LANCL2: variants seen among roughly 807,000 people sequenced by gnomAD.
LANCL2 encodes lanC-like protein 2.
Under a neutral mutation model 56.9 loss-of-function variants are expected in LANCL2, and 33 were observed. That is an observed-to-expected ratio of 0.58 (90% CI 0.44 to 0.78). The LOEUF is 0.78. Ranked by LOEUF, LANCL2 falls within the 30% of genes least tolerant of loss-of-function variation. The probability of loss-of-function intolerance (pLI) is 0.00; values close to 1 mark genes in which losing one functional copy is unlikely to be tolerated. For missense variants in LANCL2, 562 were observed against 580.2 expected, an observed-to-expected ratio of 0.97 and a Z score of 0.32; for synonymous variants, 233 against 228.2, an observed-to-expected ratio of 1.02 and a Z score of -0.19.
chr7:55,368,075 T>C (rs1344092721), intron 1 of LANCL2, among the ~76,000 whole-genome samples: 2 of 152,216 alleles, frequency 1.3e-5, no homozygotes, highest in Admixed American at 6.5e-5. Context: ...TTGGAGTAGG[T>C]AGGTTACAGC....
At chr7:55,428,017 A>C in intron 7 of LANCL2, 1 of 198,266 alleles carries the variant, frequency 5.0e-6, no homozygotes, top group Non-Finnish European at 1.0e-5. Flanking sequence ...GCCATTTTAG[A>C]GCCAGGGTTT....
At chr7:55,392,505 C>T (rs1435366641) in intron 2 of LANCL2, among the ~76,000 whole-genome samples, 3 of 150,330 alleles carry the variant, frequency 2.0e-5, no homozygotes, top group Non-Finnish European at 4.4e-5. Context: ...CACATGCCAC[C>T]ACACCTGGCT....
At chr7:55,393,375 T>A (rs1250672850) in intron 2 of LANCL2, among the ~76,000 whole-genome samples, 8 of 152,044 alleles carry the variant, frequency 5.3e-5, no homozygotes, top group Non-Finnish European at 1.2e-4. Flanking sequence ...CTACTAAAAA[T>A]ACGAAAATTA....
intron 7 of LANCL2, 107 bp downstream of exon 7, chr7:55,425,537 T>C: frequency 1.0e-6 from 1 of 1,002,148 alleles, no homozygotes. Flanking sequence ...TTTCTCCCAG[T>C]TCTGTAGCTT....
chr7:55,368,262 T>C (rs1359621064), intron 1 of LANCL2, among the ~76,000 whole-genome samples: 3 of 152,232 alleles, frequency 2.0e-5, no homozygotes, highest in African/African-American at 7.2e-5. Flanking sequence ...TGGATAAATG[T>C]GATTTTTGAC....
intron 1 of LANCL2, among the ~76,000 whole-genome samples, chr7:55,380,437 A>G (rs868218713): frequency 2.7e-4 from 41 of 151,870 alleles, no homozygotes; most frequent in African/African-American, 9.0e-4. Flanking sequence ...TTTAACTTAA[A>G]AGGTGTTTTA....
chr7:55,389,162 G>A (rs918836862), intron 1 of LANCL2, among the ~76,000 whole-genome samples: 9 of 152,292 alleles, frequency 5.9e-5, no homozygotes, highest in African/African-American at 2.2e-4. Context: ...ACACAAGAAA[G>A]TTAGACATTT....
chr7:55,395,429 A>G (rs967859723), intron 2 of LANCL2, among the ~76,000 whole-genome samples: 6 of 152,198 alleles, frequency 3.9e-5, no homozygotes, highest in African/African-American at 1.2e-4. Flanking sequence ...AAGAATTGAC[A>G]GACTAAGAAA....
At chr7:55,378,084 A>G (rs1178684229) in intron 1 of LANCL2, among the ~76,000 whole-genome samples, 1 of 152,240 alleles carries the variant, frequency 6.6e-6, no homozygotes, top group East Asian at 1.9e-4. Context: ...AAAAAACTGA[A>G]TGATGTGACG....
At chr7:55,419,818 T>A (rs1790589536) in intron 6 of LANCL2, among the ~76,000 whole-genome samples, 1 of 152,262 alleles carries the variant, frequency 6.6e-6, no homozygotes, top group African/African-American at 2.4e-5. Flanking sequence ...TAGCTTTATC[T>A]ATTTTCTATT....
At chr7:55,410,722 C>G (rs1790461085) in intron 5 of LANCL2, among the ~76,000 whole-genome samples, 1 of 152,186 alleles carries the variant, frequency 6.6e-6, no homozygotes, top group African/African-American at 2.4e-5. Flanking sequence ...TAACATGTCA[C>G]CCTGAGACGT....
intron 5 of LANCL2, among the ~76,000 whole-genome samples, chr7:55,410,619 T>C (rs2128995101): frequency 6.6e-6 from 1 of 152,310 alleles, no homozygotes; most frequent in Admixed American, 6.5e-5. Context: ...AAGTGAAAAA[T>C]CAGTGGCCAG....
chr7:55,390,818 A>C (rs933540777), intron 1 of LANCL2, among the ~76,000 whole-genome samples: 1 of 152,042 alleles, frequency 6.6e-6, no homozygotes, highest in Non-Finnish European at 1.5e-5. Context: ...GATCTTAACA[A>C]CACTGTTAAG....
At chr7:55,366,585 T>C (rs1789875369) in intron 1 of LANCL2, among the ~76,000 whole-genome samples, 1 of 150,818 alleles carries the variant, frequency 6.6e-6, no homozygotes, top group Admixed American at 6.6e-5. Context: ...GCCGGCTACC[T>C]GCTCCTCAGA....
At chr7:55,402,584 G>A (rs1301636867) in intron 5 of LANCL2, among the ~76,000 whole-genome samples, 5 of 16,986 alleles carry the variant, frequency 2.9e-4, no homozygotes, top group Non-Finnish European at 4.9e-4. Flanking sequence ...CGGACGGGGC[G>A]GCTGGCCAGG....
At position 55,365,412 on chromosome 7, in the gene LANCL2, T is replaced by A. The variant is rs1789844643; in HGVS notation, c.-614T>A. On this transcript the variant is annotated 5_prime_UTR_variant, in exon 1 of 9. Transcript: ENST00000254770. ...TCTTTAGAAGAGATTTTTTTTTTCT[T>A]CTTAATATCAAACAAAGAACTGCTG... The A allele has an allele frequency of 6.6e-6, 1 of 152,160 alleles. No individual in the cohort carries two copies. Among genetic ancestry groups the A allele is most frequent in the African/African-American group, 2.4e-5 (1 of 41,442 alleles). The allele number at this position is 152,160 out of a possible 1,614,324, so 9.4% of individuals were successfully genotyped here.
intron 1 of LANCL2, among the ~76,000 whole-genome samples, chr7:55,381,807 C>T (rs1215486134): frequency 1.3e-5 from 2 of 152,200 alleles, no homozygotes; most frequent in Non-Finnish European, 2.9e-5. Context: ...TATATCTCAT[C>T]TTCAGCAAAG....
chr7:55,390,358 C>T (rs1369062182), intron 1 of LANCL2, among the ~76,000 whole-genome samples: 1 of 152,172 alleles, frequency 6.6e-6, no homozygotes, highest in Non-Finnish European at 1.5e-5. Flanking sequence ...ATAATCCCAG[C>T]ACTTTGAGAG....
intron 1 of LANCL2, among the ~76,000 whole-genome samples, chr7:55,371,856 C>T (rs1475010230): frequency 1.3e-5 from 2 of 152,094 alleles, no homozygotes; most frequent in Non-Finnish European, 2.9e-5. Flanking sequence ...ATCAGTACTA[C>T]CCTAATACCC....
Sources: gnomAD v4.1 joint callset for allele counts (sites outside exome capture counted in the v4.1 genomes callset) on GRCh38, gnomAD v4.1.1 for gene constraint, MANE v1.5 for transcripts, NCBI Gene and HGNC (gene_info 2026-07-23, HGNC 2026-07-21) for gene names.